Variants in DIDO1 observed in about 807,000 individuals in gnomAD.
The protein encoded by DIDO1 is death inducer-obliterator 1.
DIDO1 carries 16 observed loss-of-function variants against 99.4 expected under a neutral mutation model. The observed-to-expected ratio is 0.16, with a 90% CI of 0.11 to 0.24. The LOEUF (loss-of-function observed/expected upper bound fraction) is 0.24, where lower values mean the gene tolerates loss of function less well. Ranked by LOEUF, DIDO1 falls within the 10% of genes least tolerant of loss-of-function variation. The pLI is 1.00. For synonymous variants in DIDO1, 1,366 were observed against 1,239.1 expected, an observed-to-expected ratio of 1.10 and a Z score of -2.15; for missense variants, 2,996 against 3,014.0, an observed-to-expected ratio of 0.99 and a Z score of 0.14.
chr20:62,885,817 C>G (rs2064288178), intron 15 of DIDO1, among the ~76,000 whole-genome samples: 2 of 152,252 alleles, frequency 1.3e-5, no homozygotes, highest in Non-Finnish European at 2.9e-5. Context: ...GTGGAAGGAG[C>G]AGTGCACTTC....
At chr20:62,922,208 G>A (rs1419117222) in intron 1 of DIDO1, among the ~76,000 whole-genome samples, 7 of 127,822 alleles carry the variant, frequency 5.5e-5, no homozygotes, top group Non-Finnish European at 9.8e-5. Context: ...ATATATATAT[G>A]TACATATATA....
chr20:62,883,528 T>A (rs1442496157), intron 15 of DIDO1, among the ~76,000 whole-genome samples: 1 of 151,414 alleles, frequency 6.6e-6, no homozygotes, highest in Admixed American at 6.6e-5. Context: ...CCGTCTCTAC[T>A]AAGAATACAA....
Position 62,896,733 on chromosome 20 carries a change from G to A in DIDO1, c.1852C>T (p.Pro618Ser), listed in dbSNP as rs965864277. The change falls in exon 7 of 16, where the codon CCT becomes TCT. Residue 618 changes from proline to serine, a missense_variant. Pro to Ser is a moderately conservative substitution (Grantham distance 74). Around this residue, in one of 5 missense-constraint regions of DIDO1, gnomAD observed 898 missense variants for 972.7 expected, o/e 0.92. Coordinates refer to ENST00000395343, the MANE Select transcript of DIDO1 (RefSeq NM_001193369.2). The surrounding 1 kb of genome is among the most constrained non-coding windows in gnomAD (Gnocchi z 4.4). ...ASAARQAGPA[P>S]AAATAASKKF... ...TTGGAGGCAGCCGTTGCCGCTGCAGGTGCCGGTCCGGCCTGCCTGGCAGCT... is the reference window on the plus strand; with the variant it reads ...TTGGAGGCAGCCGTTGCCGCTGCAGATGCCGGTCCGGCCTGCCTGGCAGCT... 6 of 1,613,606 alleles carry A rather than the reference G, an allele frequency of 3.7e-6. No individual in the cohort carries two copies. The highest frequency in any genetic ancestry group is 1.3e-5 in the African/African-American group (1 of 74,932).
chr20:62,881,196 T>C lies in DIDO1; in HGVS notation c.4760A>G (p.Gln1587Arg), dbSNP rs769920481. Residue 1587 changes from glutamine to arginine, a missense_variant, in exon 16 of 16, where the codon CAG becomes CGG. Transcript: ENST00000395343. The surrounding 1 kb of genome is among the most constrained non-coding windows in gnomAD (Gnocchi z 8.3). ...PLSRLSARGAQGALPERDASR... is the reference protein window; with the variant it reads ...PLSRLSARGARGALPERDASR... ...AGCATCTCTCTCGGGCAGGGCACCC[T>C]GGGCACCACGTGCCGAGAGCCTGGA... 4 of 1,607,270 alleles carry C rather than the reference T, an allele frequency of 2.5e-6. No individual in the cohort carries two copies. Among genetic ancestry groups the C allele is most frequent in the African/African-American group, 2.7e-5 (2 of 75,008 alleles).
chr20:62,886,600 C>T (rs1228137566), intron 15 of DIDO1, among the ~76,000 whole-genome samples: 3 of 152,144 alleles, frequency 2.0e-5, no homozygotes, highest in South Asian at 2.1e-4. Context: ...GAAGCACCCT[C>T]GGTACTGAAC....
intron 15 of DIDO1, chr20:62,888,389 G>A (rs1402296329): frequency 1.0e-6 from 1 of 985,396 alleles, no homozygotes; most frequent in African/African-American, 1.7e-5. Flanking sequence ...TCAAGGCTGG[G>A]GCGCCAGGTC....
chr20:62,887,999 C>G, intron 15 of DIDO1: 1 of 985,480 alleles, frequency 1.0e-6, no homozygotes, highest in African/African-American at 1.7e-5. Context: ...CAGGGAGATC[C>G]AGCTACTGCT....
At chr20:62,889,827 G>A (rs2064361823) in intron 15 of DIDO1, 1 of 985,312 alleles carries the variant, frequency 1.0e-6, no homozygotes, top group East Asian at 1.1e-4. Flanking sequence ...ATAATTTAAT[G>A]CACCACGCCA....
chr20:62,903,399 T>TG (rs1167471008), intron 6 of DIDO1, among the ~76,000 whole-genome samples: 1 of 152,154 alleles, frequency 6.6e-6, no homozygotes, highest in Non-Finnish European at 1.5e-5. Flanking sequence ...ATGGTATGTG[T>TG]GGTGAGGCAA....
chr20:62,932,714 A>C (rs1220399687), intron 1 of DIDO1, among the ~76,000 whole-genome samples: 1 of 152,262 alleles, frequency 6.6e-6, no homozygotes, highest in Non-Finnish European at 1.5e-5. Context: ...GTTTTAAAAA[A>C]ATAAAAATAA....
In DIDO1 at chr20:62,894,832, G is replaced by C. The variant is rs748740045; in HGVS notation, c.2414C>G (p.Ser805Cys). The C allele has an allele frequency of 6.2e-7, 1 of 1,614,082 alleles. No homozygotes were observed. Among genetic ancestry groups the C allele is most frequent in the Non-Finnish European group, 8.5e-7 (1 of 1,179,996 alleles). Residue 805 changes from serine (S) to cysteine (C), a missense_variant, in exon 10 of 16, where the codon TCT becomes TGT. Coordinates refer to ENST00000395343, the MANE Select transcript of DIDO1 (RefSeq NM_001193369.2). The surrounding 1 kb of genome is among the most constrained non-coding windows in gnomAD (Gnocchi z 4.4). The part of the protein sequence containing the change: ...RQEAIPDLED[S>C]PPVSDSEEQQ... ...TACCTCTGAATCCGACACTGGCGGA[G>C]AGTCCTCCAGATCGGGGATGGCCTC...
At position 62,892,929 on chromosome 20, in the gene DIDO1, G is replaced by C; in HGVS notation, c.3135C>G (p.Asp1045Glu). The stretch of plus-strand genomic sequence containing the variant: ...TGAGTCGAGACAAAAAGAGGGTCGT[G>C]TCTCCCTCTGGAGGGGAACGTGATT... ...TSESRSPPEG[D>E]TTLFLSRLST... Residue 1045 changes from aspartate (D) to glutamate (E), a missense_variant, in exon 13 of 16, where the codon GAC becomes GAG. Physicochemically the swap from Asp to Glu is conservative, Grantham distance 45. Transcript: ENST00000395343. The C allele has an allele frequency of 6.2e-7, 1 of 1,613,812 alleles. No individual in the cohort carries two copies. Among genetic ancestry groups the C allele is most frequent in the Non-Finnish European group, 8.5e-7 (1 of 1,179,866 alleles).
At chr20:62,933,970 G>T (rs1376907097) in intron 1 of DIDO1, among the ~76,000 whole-genome samples, 1 of 152,148 alleles carries the variant, frequency 6.6e-6, no homozygotes, top group Non-Finnish European at 1.5e-5. Flanking sequence ...ACCTCAGCTT[G>T]CAAGACACTG....
rs1478854016 is a variant in DIDO1, at chr20:62,889,763, A to AT, written c.3541+1196dup. The stretch of plus-strand genomic sequence containing the variant: ...GTGGCATCTCTTTATCCCAAGTAGG[A>AT]TTTGAGGGGACACACTAAAGCACTT... On this transcript the variant is annotated intron_variant, in intron 15 of 15. Transcript: ENST00000395343. 4.1e-6 allele frequency: 4 copies of AT among 985,452 alleles called. No individual in the cohort carries two copies. In the East Asian group the frequency reaches 4.5e-4, roughly 112 times the overall value. The allele number at this position is 985,452 out of a possible 1,614,324, so 61.0% of individuals were successfully genotyped here. A position where few individuals can be genotyped will look rare whatever the true frequency, so the allele number is the denominator to read the frequency against.
intron 15 of DIDO1, chr20:62,887,761 C>G: frequency 1.0e-6 from 1 of 985,490 alleles, no homozygotes; most frequent in Non-Finnish European, 1.2e-6. Flanking sequence ...CTGAGACAGG[C>G]CGGGACTCTG....
At position 62,896,982 on chromosome 20, in the gene DIDO1, T is replaced by A. The variant is rs756753877; in HGVS notation, c.1603A>T (p.Arg535Trp). The A allele has an allele frequency of 7.4e-6, 12 of 1,611,986 alleles. No homozygotes were observed. The highest frequency in any genetic ancestry group is 1.0e-5 in the Non-Finnish European group (12 of 1,179,116). ...GCTGCCGCTTTCTCCTCGGACCTCC[T>A]GTCTTCCTTCGTGGCTACAAAGAAG... is the stretch of plus-strand genomic sequence containing the variant. ...SLLYKSTKEDRRSEEKAAAMA... is the reference protein window; with the variant it reads ...SLLYKSTKEDWRSEEKAAAMA... Residue 535 changes from arginine to tryptophan, a missense_variant, in exon 7 of 16, where the codon AGG becomes TGG. Coordinates refer to ENST00000395343, the MANE Select transcript of DIDO1 (RefSeq NM_001193369.2). The surrounding 1 kb of genome is among the most constrained non-coding windows in gnomAD (Gnocchi z 4.4).
intron 1 of DIDO1, among the ~76,000 whole-genome samples, chr20:62,934,198 G>C (rs1461024134): frequency 1.3e-5 from 2 of 152,082 alleles, no homozygotes; most frequent in South Asian, 2.1e-4. Context: ...CTGCACTCTT[G>C]GTGAGCCTCC....
At chr20:62,912,909 G>A (rs1305255372) in intron 2 of DIDO1, among the ~76,000 whole-genome samples, 1 of 152,190 alleles carries the variant, frequency 6.6e-6, no homozygotes, top group East Asian at 1.9e-4. Context: ...GCAGGCGCCT[G>A]TAATCCCAGA....
intron 15 of DIDO1, chr20:62,887,201 A>C (rs755413683): frequency 1.2e-4 from 116 of 985,376 alleles, no homozygotes; most frequent in Non-Finnish European, 1.3e-4. Flanking sequence ...CAATTCAAAC[A>C]AACAAGGACC....
Sources: allele counts gnomAD v4.1 joint callset (sites outside exome capture counted in the v4.1 genomes callset), GRCh38; gene constraint gnomAD v4.1.1; regional missense constraint gnomAD v4.1.1; non-coding constraint Gnocchi (gnomAD v3.1); transcripts MANE v1.5; gene names NCBI Gene and HGNC (gene_info 2026-07-23, HGNC 2026-07-21).